FBXL4: variants seen among roughly 807,000 people sequenced by gnomAD.
The protein encoded by FBXL4 is F-box and leucine rich repeat protein 4.
A neutral mutation model predicts 58.9 loss-of-function variants in FBXL4; 40 were observed. That is an observed-to-expected ratio of 0.68 (90% CI 0.53 to 0.88). The LOEUF (loss-of-function observed/expected upper bound fraction) is 0.88. Among genes scored for constraint, FBXL4 ranks in the 40% least tolerant of loss-of-function variants. The pLI, the probability that FBXL4 is intolerant of heterozygous loss-of-function variation, is 0.00. For synonymous variants in FBXL4, 263 were observed against 265.5 expected (o/e 0.99, Z 0.09); for missense variants, 676 against 734.4 (o/e 0.92, Z 0.92).
chr6:98,905,352 T>G, intron 6 of FBXL4, 74 bp downstream of exon 6: 1 of 1,518,200 alleles, frequency 6.6e-7, no homozygotes, highest in Non-Finnish European at 8.9e-7. Context: ...AAACTTTTAT[T>G]ATGAAAACCA....
rs1770564057 is a variant in FBXL4 at position 98,873,977 on chromosome 6, A to G, written c.*301T>C. ...TTTATTGCTCAGTGTTCCTTTGAAA[A>G]TAAGTTAGCATGATTCCATGTTATT... On this transcript the variant is annotated 3_prime_UTR_variant, in exon 10 of 10. Transcript: ENST00000369244. The G allele has an allele frequency of 5.0e-6, 1 of 200,144 alleles. No homozygotes were observed. Among genetic ancestry groups the G allele is most frequent in the Non-Finnish European group, 9.9e-6 (1 of 100,538 alleles). The allele number at this position is 200,144 out of a possible 1,614,324, so 12.4% of individuals were successfully genotyped here.
chr6:98,904,141 A>G (rs1269106440), intron 6 of FBXL4, among the ~76,000 whole-genome samples: 2 of 152,150 alleles, frequency 1.3e-5, no homozygotes, highest in Non-Finnish European at 2.9e-5. Flanking sequence ...GATAATGTAT[A>G]CTCTAAATAT....
In FBXL4 at chr6:98,934,897, A is replaced by C. The variant is rs2128409846; in HGVS notation, c.-308-18T>G. The C allele has an allele frequency of 6.6e-6, 1 of 152,336 alleles. No individual in the cohort carries two copies. The highest frequency in any genetic ancestry group is 2.1e-4 in the South Asian group (1 of 4,832). 9.4% of individuals were successfully genotyped at this position (152,336 alleles called of 1,614,324 possible). On this transcript the variant is annotated intron_variant, in intron 1 of 9. Transcript: ENST00000369244. The stretch of plus-strand genomic sequence containing the variant: ...AGAAAAATCTAAAAGCAGAGCAAAA[A>C]TCTCAAAAACCAGAGGTAAACAGTA...
Position 98,905,654 on chromosome 6 carries a change from AGAATCAGCT to A in FBXL4, c.866_874del (p.Gln289_Ile291del). ...CAGGTCTGGTAGTGTAAGATGATTCAGAATCAGCTGAATAAGCTAAATAAGACAGAGAAA... is the reference window on the plus strand; with the variant it reads ...CAGGTCTGGTAGTGTAAGATGATTCAGAATAAGCTAAATAAGACAGAGAAA... On this transcript the variant is annotated inframe_deletion, in exon 6 of 10. Coordinates refer to ENST00000369244, the MANE Select transcript of FBXL4 (RefSeq NM_001278716.2). The A allele has an allele frequency of 1.9e-6, 3 of 1,613,770 alleles. No homozygotes were observed. Among genetic ancestry groups the A allele is most frequent in the Non-Finnish European group, 2.5e-6 (3 of 1,179,796 alleles).
intron 1 of FBXL4, among the ~76,000 whole-genome samples, chr6:98,938,177 C>T (rs1773294861): frequency 1.3e-5 from 2 of 151,580 alleles, no homozygotes; most frequent in Admixed American, 1.3e-4. Context: ...GTCTTGATGG[C>T]CTTCACAGTT....
chr6:98,947,540 C>T (rs1043307973), intron 1 of FBXL4, among the ~76,000 whole-genome samples: 6 of 152,352 alleles, frequency 3.9e-5, no homozygotes, highest in Non-Finnish European at 5.9e-5. Flanking sequence ...CGAACGACGC[C>T]TCACAGCCTG....
rs1554221191 is a variant in FBXL4 at position 98,917,571 on chromosome 6, C to G, written c.661G>C (p.Asp221His). The change falls in exon 5 of 10, where the codon GAT becomes CAT. Residue 221 changes from aspartate to histidine, a missense_variant. Coordinates refer to ENST00000369244, the MANE Select transcript of FBXL4 (RefSeq NM_001278716.2). ...TTCACACCATGTAGCACAACTGCAT[C>G]TAATTCAGTGTAATATTCCAGAAGA... The part of the protein sequence containing the change: ...SSLLEYYTEL[D>H]AVVLHGVKDK... 1 of 1,614,020 alleles carries G rather than the reference C, an allele frequency of 6.2e-7. No individual in the cohort carries two copies. Among genetic ancestry groups the G allele is most frequent in the Non-Finnish European group, 8.5e-7 (1 of 1,179,898 alleles).
At chr6:98,899,751 A>T (rs1771537425) in intron 6 of FBXL4, among the ~76,000 whole-genome samples, 1 of 152,104 alleles carries the variant, frequency 6.6e-6, no homozygotes, top group Non-Finnish European at 1.5e-5. Flanking sequence ...TAGAAGATAT[A>T]TTTTTCCCAC....
intron 1 of FBXL4, among the ~76,000 whole-genome samples, chr6:98,945,566 G>A (rs1192572523): frequency 6.6e-6 from 1 of 152,140 alleles, no homozygotes; most frequent in Non-Finnish European, 1.5e-5. Context: ...TTTAAAGAAT[G>A]CATACATTTA....
chr6:98,876,817 A>G (rs1770679078), intron 8 of FBXL4, among the ~76,000 whole-genome samples: 1 of 152,188 alleles, frequency 6.6e-6, no homozygotes, highest in East Asian at 1.9e-4. Context: ...GAGGGAGAGG[A>G]CGGGCTATGG....
intron 6 of FBXL4, among the ~76,000 whole-genome samples, chr6:98,902,003 A>G (rs761764937): frequency 2.0e-5 from 3 of 152,154 alleles, no homozygotes; most frequent in Non-Finnish European, 4.4e-5. Context: ...AGAAAAGTAA[A>G]TTGCTTATCA....
chr6:98,930,480 G>A (rs1182266826), intron 2 of FBXL4, among the ~76,000 whole-genome samples: 1 of 152,182 alleles, frequency 6.6e-6, no homozygotes, highest in African/African-American at 2.4e-5. Flanking sequence ...ATGTGCTCAT[G>A]AGTCAATGAA....
intron 7 of FBXL4, among the ~76,000 whole-genome samples, chr6:98,883,968 TC>T (rs1770941320): frequency 6.6e-6 from 1 of 151,926 alleles, no homozygotes; most frequent in Non-Finnish European, 1.5e-5. Context: ...TAAATTAATC[TC>T]CCCTCCATGG....
intron 1 of FBXL4, among the ~76,000 whole-genome samples, chr6:98,938,479 T>C (rs996245437): frequency 6.6e-6 from 1 of 152,218 alleles, no homozygotes; most frequent in Non-Finnish European, 1.5e-5. Flanking sequence ...TAGCAAGGTA[T>C]TAATACTTCC....
chr6:98,934,398 C>CA (rs538726586), intron 2 of FBXL4, among the ~76,000 whole-genome samples: 2,633 of 108,642 alleles, frequency 0.024, 28 homozygotes, highest in African/African-American at 0.038. Context: ...GACTCCGTCT[C>CA]AAAAAAAAAA....
At chr6:98,925,310 A>G (rs1772736454) in intron 4 of FBXL4, among the ~76,000 whole-genome samples, 1 of 152,206 alleles carries the variant, frequency 6.6e-6, no homozygotes, top group African/African-American at 2.4e-5. Context: ...GGGAATATAA[A>G]TAGTACAGAC....
chr6:98,893,047 T>C (rs1457579848), intron 7 of FBXL4, among the ~76,000 whole-genome samples: 1 of 152,176 alleles, frequency 6.6e-6, no homozygotes, highest in African/African-American at 2.4e-5. Flanking sequence ...AATAACATTC[T>C]TACTGAGCTA....
intron 5 of FBXL4, among the ~76,000 whole-genome samples, chr6:98,914,980 A>C (rs1340978524): frequency 6.6e-6 from 1 of 152,244 alleles, no homozygotes; most frequent in African/African-American, 2.4e-5. Context: ...GTCTCAGGAT[A>C]CAAAATCAGT....
intron 5 of FBXL4, among the ~76,000 whole-genome samples, chr6:98,916,561 A>G (rs950634406): frequency 9.9e-5 from 15 of 151,992 alleles, no homozygotes; most frequent in African/African-American, 3.1e-4. Context: ...GTAAACTATC[A>G]CAAGGACAAA....
Sources: gnomAD v4.1 joint callset for allele counts (sites outside exome capture counted in the v4.1 genomes callset) on GRCh38, gnomAD v4.1.1 for gene constraint, MANE v1.5 for transcripts, NCBI Gene and HGNC (gene_info 2026-07-23, HGNC 2026-07-21) for gene names.